The following RP1 variants were observed in gnomAD, a reference collection of about 807,000 sequenced individuals.
RP1 encodes RP1 axonemal microtubule associated.
In RP1, 16 loss-of-function variants were observed where a neutral mutation model predicts 14.8. The observed-to-expected ratio is 1.08, with a 90% CI of 0.73 to 1.65. The LOEUF (loss-of-function observed/expected upper bound fraction) is 1.65, where lower values mean the gene tolerates loss of function less well. Ranked by LOEUF, RP1 falls within the 40% of genes most tolerant of loss-of-function variation. The pLI is 0.00. For missense variants in RP1, 2,631 were observed against 2,535.0 expected, an observed-to-expected ratio of 1.04 and a Z score of -0.81; for synonymous variants, 876 against 883.6, an observed-to-expected ratio of 0.99 and a Z score of 0.15.
At chr8:54,741,215 G>A (rs756216381) in intron 19 of RP1, among the ~76,000 whole-genome samples, 13 of 151,966 alleles carry the variant, frequency 8.6e-5, no homozygotes, top group Admixed American at 2.6e-4. Flanking sequence ...ATTTAGTGTA[G>A]CCTAAGTATA....
chr8:54,783,930 G>C (rs1032808725), intron 24 of RP1, among the ~76,000 whole-genome samples: 2 of 151,998 alleles, frequency 1.3e-5, no homozygotes, highest in African/African-American at 4.8e-5. Flanking sequence ...TTTGTATAAA[G>C]GCAAAAAACT....
rs115944687 is a variant in RP1 at position 54,656,907 on chromosome 8, G to A, written c.1171+692G>A. Among the ~76,000 whole-genome samples, 1,163 of 151,744 alleles carry A rather than the reference G, an allele frequency of 7.7e-3. 20 individuals carry two copies. The highest frequency in any genetic ancestry group is 0.027 in the African/African-American group (1,104 of 41,316). On this transcript the variant is annotated intron_variant, in intron 6 of 22. Transcript: ENST00000636932. ...TAAAAATGTGATGTTTTAATTTTCT[G>A]AATAAATAAATAAATGAGTAATATT...
intron 1 of RP1, among the ~76,000 whole-genome samples, chr8:54,587,360 A>T (rs1217013848): frequency 6.8e-6 from 1 of 147,458 alleles, no homozygotes; most frequent in Admixed American, 6.9e-5. Flanking sequence ...CGGAAGATGG[A>T]GGTTGTAGTG....
In RP1 at chr8:54,624,739, A is replaced by T; in HGVS notation, c.857A>T (p.Asn286Ile). 1 of 1,613,938 alleles carries T rather than the reference A, an allele frequency of 6.2e-7. No individual in the cohort carries two copies. Among genetic ancestry groups the T allele is most frequent in the East Asian group, 2.2e-5 (1 of 44,840 alleles). Residue 286 changes from asparagine to isoleucine, a missense_variant, in exon 4 of 4, where the codon AAT becomes ATT. Coordinates refer to ENST00000220676, the MANE Select transcript of RP1 (RefSeq NM_006269.2). ...YSVSSEKTHNNDCYLDYSFVP... is the reference protein window; with the variant it reads ...YSVSSEKTHNIDCYLDYSFVP... ...GTTTCTTCTGAGAAAACACATAATA[A>T]TGATTGCTACTTAGACTATTCTTTT...
chr8:54,856,085 T>C (rs1404828128), intron 26 of RP1, among the ~76,000 whole-genome samples: 1 of 152,042 alleles, frequency 6.6e-6, no homozygotes, highest in Non-Finnish European at 1.5e-5. Flanking sequence ...CTACAAATAG[T>C]AGAGTGGATA....
At chr8:54,865,995 C>T in intron 28 of RP1, 1 of 560,384 alleles carries the variant, frequency 1.8e-6, no homozygotes, top group South Asian at 9.2e-5. Context: ...CAGCATGCCT[C>T]ATCCCAGCTG....
chr8:54,606,858 C>T (rs890869104), intron 1 of RP1, among the ~76,000 whole-genome samples: 15 of 152,178 alleles, frequency 9.9e-5, no homozygotes, highest in African/African-American at 2.2e-4. Context: ...CTTGTGCATT[C>T]GTCACGTAGT....
rs370287274 is a variant in RP1 at position 54,780,082 on chromosome 8, A to T, written c.3452-3465A>T. Among the ~76,000 whole-genome samples the T allele has an allele frequency of 1.2e-4, 19 of 152,306 alleles. No homozygotes were observed. In the South Asian group the frequency reaches 2.3e-3, roughly 18 times the overall value. ...AGACATCTGAAGAGATATCTCCCCCATGCTGCCAGCTGATAAGCCTGGGTT... is the reference window on the plus strand; with the variant it reads ...AGACATCTGAAGAGATATCTCCCCCTTGCTGCCAGCTGATAAGCCTGGGTT... On this transcript the variant is annotated intron_variant, in intron 23 of 28. Transcript: ENST00000637698.
At chr8:54,741,707 G>GTATATGTA (rs1554528862) in intron 19 of RP1, among the ~76,000 whole-genome samples, 10 of 58,036 alleles carry the variant, frequency 1.7e-4, no homozygotes, top group Admixed American at 9.6e-4. Flanking sequence ...AAATGTGTGT[G>GTATATGTA]TATATATATA....
chr8:54,852,875 T>C (rs1812088305), intron 26 of RP1: 1 of 533,894 alleles, frequency 1.9e-6, no homozygotes, highest in East Asian at 3.5e-5. Context: ...TTAGTGTGCA[T>C]GTTATTGTTC....
intron 21 of RP1, among the ~76,000 whole-genome samples, chr8:54,756,698 A>T (rs983753607): frequency 6.6e-6 from 1 of 152,206 alleles, no homozygotes; most frequent in Non-Finnish European, 1.5e-5. Flanking sequence ...TCTCCTACAG[A>T]ACCGTGCTGG....
In RP1 at chr8:54,627,470, C is replaced by T. The variant is rs1366116443; in HGVS notation, c.3588C>T (p.Leu1196=). The T allele has an allele frequency of 6.2e-7, 1 of 1,614,134 alleles. No homozygotes were observed. The highest frequency in any genetic ancestry group is 8.5e-7 in the Non-Finnish European group (1 of 1,179,980). ...AGTCAACTACAAGCCACTTTGGACT[C>T]AGTGAGAAAGAACAAGACATGGTTC... is the stretch of plus-strand genomic sequence containing the variant. ...LVESTTSHFG[L]SEKEQDMVPI... is the part of the protein sequence containing the mutation. The change falls in exon 4 of 4, where the codon CTC becomes CTT. Residue 1196 remains leucine (L), a synonymous_variant. Transcript: ENST00000220676.
At position 54,628,988 on chromosome 8, in the gene RP1, TAA is replaced by T; in HGVS notation, c.5107_5108del (p.Lys1703ValfsTer2). Reference sequence around the variant, plus strand: ...AGGAATTCCAGGAGGAAAGACAAGATAAGTGTGATGTTAGTGCTGTGAGGGAC... The same window carrying T: ...AGGAATTCCAGGAGGAAAGACAAGATGTGTGATGTTAGTGCTGTGAGGGAC... ...LQEFQEERQD[K>X]CDVSAVRDNY... On this transcript the variant is annotated frameshift_variant, in exon 4 of 4. Coordinates refer to ENST00000220676, the MANE Select transcript of RP1 (RefSeq NM_006269.2). LOFTEE classifies it low-confidence loss of function (END_TRUNC). The T allele has an allele frequency of 2.5e-6, 4 of 1,614,086 alleles. No homozygotes were observed. The highest frequency in any genetic ancestry group is 3.4e-6 in the Non-Finnish European group (4 of 1,179,974).
intron 24 of RP1, among the ~76,000 whole-genome samples, chr8:54,791,557 G>A (rs1810466154): frequency 6.6e-6 from 1 of 151,952 alleles, no homozygotes; most frequent in South Asian, 2.1e-4. Context: ...TACATAAAAT[G>A]CAAATTGTAA....
intron 24 of RP1, among the ~76,000 whole-genome samples, chr8:54,832,078 A>G (rs761120416): frequency 3.3e-5 from 5 of 151,424 alleles, no homozygotes; most frequent in Non-Finnish European, 7.4e-5. Context: ...GCTTTTAAGA[A>G]TTTTTCTTTC....
At chr8:54,665,532 G>T (rs1307331963) in intron 7 of RP1, among the ~76,000 whole-genome samples, 1 of 152,106 alleles carries the variant, frequency 6.6e-6, no homozygotes, top group Non-Finnish European at 1.5e-5. Flanking sequence ...GATCAAGTTC[G>T]TTTTTTCCTC....
At chr8:54,786,139 A>C (rs1435573107) in intron 24 of RP1, among the ~76,000 whole-genome samples, 18 of 152,076 alleles carry the variant, frequency 1.2e-4, no homozygotes, top group Admixed American at 1.2e-3. Context: ...TGTTCTTTCA[A>C]ATCGGACTGA....
At chr8:54,826,705 C>G (rs183278265) in intron 24 of RP1, among the ~76,000 whole-genome samples, 134 of 152,248 alleles carry the variant, frequency 8.8e-4, no homozygotes, top group African/African-American at 3.2e-3. Flanking sequence ...CAATCCAAAC[C>G]CTACAAAATA....
intron 12 of RP1, among the ~76,000 whole-genome samples, chr8:54,687,529 C>T (rs528801249): frequency 2.6e-5 from 4 of 152,022 alleles, no homozygotes; most frequent in South Asian, 2.1e-4. Context: ...TCTCATTGTT[C>T]GACTCCCACT....
Sources: allele counts gnomAD v4.1 joint callset (sites outside exome capture counted in the v4.1 genomes callset), GRCh38; gene constraint gnomAD v4.1.1; transcripts MANE v1.5; gene names NCBI Gene and HGNC (gene_info 2026-07-23, HGNC 2026-07-21).